The following MAML3 variants were observed in gnomAD, a reference collection of about 807,000 sequenced individuals.
The protein encoded by MAML3 is mastermind-like protein 3.
Under a neutral mutation model 101.9 loss-of-function variants are expected in MAML3, and 27 were observed. That is an observed-to-expected ratio of 0.27 (90% CI 0.20 to 0.37). The LOEUF (loss-of-function observed/expected upper bound fraction) is 0.37. Ranked by LOEUF, MAML3 falls within the 10% of genes least tolerant of loss-of-function variation. The pLI is 1.00. For missense variants in MAML3, 1,316 were observed against 1,444.9 expected, an observed-to-expected ratio of 0.91 and a Z score of 1.45; for synonymous variants, 501 against 555.9, an observed-to-expected ratio of 0.90 and a Z score of 1.39.
intron 1 of MAML3, among the ~76,000 whole-genome samples, chr4:139,990,351 C>T (rs923417673): frequency 2.0e-5 from 3 of 151,988 alleles, no homozygotes; most frequent in Admixed American, 6.6e-5. Flanking sequence ...AATTCAACAA[C>T]TCTTCATGCT....
intron 1 of MAML3, among the ~76,000 whole-genome samples, chr4:140,143,296 G>A (rs1034545709): frequency 2.6e-5 from 4 of 152,150 alleles, no homozygotes; most frequent in Non-Finnish European, 4.4e-5. Flanking sequence ...GCTTGTGCAC[G>A]AGTGAAATAA....
chr4:139,892,618 AAAT>A (rs1370532529), intron 1 of MAML3, among the ~76,000 whole-genome samples: 24 of 137,872 alleles, frequency 1.7e-4, no homozygotes, highest in African/African-American at 5.7e-4. Context: ...AAAAAAAAAA[AAAT>A]AGACTGCCTT....
chr4:139,752,543 T>C (rs922153595), intron 2 of MAML3, among the ~76,000 whole-genome samples: 3 of 152,310 alleles, frequency 2.0e-5, no homozygotes, highest in Admixed American at 1.3e-4. Flanking sequence ...GCTGGGAAAG[T>C]GGCTGGCAGG....
chr4:139,968,926 G>A lies in MAML3; in HGVS notation c.469-77959C>T, dbSNP rs148064492. Among the ~76,000 whole-genome samples, 1,302 of 152,058 alleles carry A rather than the reference G, an allele frequency of 8.6e-3. 26 individuals carry two copies. Among genetic ancestry groups the A allele is most frequent in the African/African-American group, 0.029 (1,219 of 41,476 alleles). ...GTCCCAGGGTAGCAAGCAGAGCAGC[G>A]TGCTGCCCCAAACCTACCTGGAAGC... On this transcript the variant is annotated intron_variant, in intron 1 of 4. Transcript: ENST00000509479.
At chr4:139,895,192 C>G (rs1378841359) in intron 1 of MAML3, among the ~76,000 whole-genome samples, 2 of 152,204 alleles carry the variant, frequency 1.3e-5, no homozygotes, top group Non-Finnish European at 2.9e-5. Flanking sequence ...ATTAGAGAAA[C>G]AGGAGCACTG....
intron 2 of MAML3, chr4:139,794,011 G>A (rs1730467240): frequency 6.6e-6 from 1 of 152,138 alleles, no homozygotes. Flanking sequence ...ATGTACCTAA[G>A]GAACAGTCCT....
At chr4:139,911,700 T>C (rs1019007186) in intron 1 of MAML3, among the ~76,000 whole-genome samples, 1 of 152,140 alleles carries the variant, frequency 6.6e-6, no homozygotes, top group Non-Finnish European at 1.5e-5. Flanking sequence ...TCATGAAAGG[T>C]AGTGCCCTTA....
intron 2 of MAML3, among the ~76,000 whole-genome samples, chr4:139,823,767 A>T (rs1216686785): frequency 6.6e-6 from 1 of 151,070 alleles, no homozygotes; most frequent in African/African-American, 2.4e-5. Flanking sequence ...ACAAGGGCAG[A>T]GTTCCTATTC....
At chr4:139,946,836 A>G (rs528789575) in intron 1 of MAML3, among the ~76,000 whole-genome samples, 1 of 151,216 alleles carries the variant, frequency 6.6e-6, no homozygotes, top group East Asian at 2.0e-4. Context: ...TCAACCCTTG[A>G]TGTTTCAAAA....
chr4:139,759,130 T>G (rs770833946), intron 2 of MAML3, among the ~76,000 whole-genome samples: 18 of 152,232 alleles, frequency 1.2e-4, no homozygotes, highest in Non-Finnish European at 1.3e-4. Context: ...TGATCCCTGA[T>G]GTTCAAACTG....
At chr4:139,762,031 G>A (rs1195556965) in intron 2 of MAML3, among the ~76,000 whole-genome samples, 2 of 152,216 alleles carry the variant, frequency 1.3e-5, no homozygotes, top group African/African-American at 4.8e-5. Flanking sequence ...GAGAGCCCAG[G>A]GAGCCCAGTG....
intron 1 of MAML3, among the ~76,000 whole-genome samples, chr4:139,933,916 G>A (rs1462460340): frequency 1.3e-5 from 2 of 152,122 alleles, no homozygotes; most frequent in Non-Finnish European, 2.9e-5. Context: ...GAGTGCATGG[G>A]ATTATGAGTG....
chr4:140,028,718 A>T (rs1169907479), intron 1 of MAML3, among the ~76,000 whole-genome samples: 1 of 152,194 alleles, frequency 6.6e-6, no homozygotes, highest in East Asian at 1.9e-4. Context: ...GAGCATAATC[A>T]TTAAGCTTAT....
At chr4:140,033,397 GA>G (rs1344991572) in intron 1 of MAML3, among the ~76,000 whole-genome samples, 1 of 148,546 alleles carries the variant, frequency 6.7e-6, no homozygotes, top group African/African-American at 2.5e-5. Context: ...GCTCAGCCTT[GA>G]AAAAAAGATG....
chr4:140,083,959 CACACACACAG>C (rs1172585585), intron 1 of MAML3, among the ~76,000 whole-genome samples: 2 of 29,122 alleles, frequency 6.9e-5, no homozygotes, highest in African/African-American at 2.1e-4. Context: ...CACACACACA[CACACACACAG>C]AGAGAGAGAG....
intron 2 of MAML3, among the ~76,000 whole-genome samples, chr4:139,744,987 T>C (rs1466722747): frequency 6.6e-6 from 1 of 152,210 alleles, no homozygotes; most frequent in Non-Finnish European, 1.5e-5. Context: ...TATTCTCCTT[T>C]ATGAAATGAG....
At chr4:139,968,956 AAGTG>A (rs1449208800) in intron 1 of MAML3, among the ~76,000 whole-genome samples, 1 of 152,006 alleles carries the variant, frequency 6.6e-6, no homozygotes, top group Non-Finnish European at 1.5e-5. Context: ...GGAAGCACTC[AAGTG>A]ACTATAGCCA....
chr4:139,895,801 G>A (rs1158464913), intron 1 of MAML3, among the ~76,000 whole-genome samples: 1 of 152,206 alleles, frequency 6.6e-6, no homozygotes, highest in Non-Finnish European at 1.5e-5. Context: ...GCAGAGGCTA[G>A]ATCGTTGAGG....
At chr4:139,979,065 G>A (rs1161431887) in intron 1 of MAML3, among the ~76,000 whole-genome samples, 2 of 152,166 alleles carry the variant, frequency 1.3e-5, no homozygotes, top group Non-Finnish European at 2.9e-5. Flanking sequence ...TACTTATGAA[G>A]CATTTTGTAT....
Sources: allele counts gnomAD v4.1 joint callset (sites outside exome capture counted in the v4.1 genomes callset), GRCh38; gene constraint gnomAD v4.1.1; transcripts MANE v1.5; gene names NCBI Gene and HGNC (gene_info 2026-07-23, HGNC 2026-07-21).